The following CDKN1A variants were observed in gnomAD, a reference collection of about 807,000 sequenced individuals.
CDKN1A encodes cyclin dependent kinase inhibitor 1A.
In CDKN1A, 14 loss-of-function variants were observed where a neutral mutation model predicts 14.8. The ratio of observed to expected loss-of-function variants is 0.94; its 90% confidence interval spans 0.62 to 1.48. CDKN1A has a LOEUF of 1.48. Among genes scored for constraint, CDKN1A ranks in the 40% most tolerant of loss-of-function variants. The pLI is 0.00. For missense variants in CDKN1A, 203 were observed against 231.7 expected (o/e 0.88, Z 0.80); for synonymous variants, 92 against 93.5 (o/e 0.98, Z 0.09).
At chr6:36,681,024 C>A (rs1761922254) in intron 1 of CDKN1A, among the ~76,000 whole-genome samples, 2 of 152,170 alleles carry the variant, frequency 1.3e-5, no homozygotes, top group Admixed American at 1.3e-4. Context: ...TCCCGAGAGC[C>A]AGGGAATATC....
At position 36,685,880 on chromosome 6, in the gene CDKN1A, TTG is replaced by T. The variant is rs1762188485; in HGVS notation, c.*86_*87del. ...CTACATCTTCTGCCTTAGTCTCAGT[TTG>T]TGTGTCTTAATTATTATTTGTGTTT... On this transcript the variant is annotated 3_prime_UTR_variant, in exon 3 of 3. Coordinates refer to ENST00000244741, the MANE Select transcript of CDKN1A (RefSeq NM_000389.5). 1 of 1,282,994 alleles carries T rather than the reference TTG, an allele frequency of 7.8e-7. No individual in the cohort carries two copies. Among genetic ancestry groups the T allele is most frequent in the Non-Finnish European group, 1.1e-6 (1 of 881,190 alleles). 79.5% of individuals were successfully genotyped at this position (1,282,994 alleles called of 1,614,324 possible). A position where few individuals can be genotyped will look rare whatever the true frequency, so the allele number is the denominator to read the frequency against.
intron 1 of CDKN1A, among the ~76,000 whole-genome samples, chr6:36,681,565 C>T (rs984322105): frequency 2.0e-5 from 3 of 147,930 alleles, no homozygotes; most frequent in Non-Finnish European, 4.5e-5. Flanking sequence ...CAGGCGTGAT[C>T]CCCCCGCCCC....
chr6:36,678,620 G>A (rs973415904), upstream of CDKN1A: 2 of 979,788 alleles, frequency 2.0e-6, no homozygotes, highest in Admixed American at 6.1e-5. The surrounding 1 kb of genome is among the most constrained non-coding windows in gnomAD (Gnocchi z 5.7). Flanking sequence ...GGGCGGTCCC[G>A]GGCGGCGCGG....
rs2150314714 is a variant in CDKN1A, at chr6:36,684,829, C to T, written c.445+283C>T. Among the ~76,000 whole-genome samples, 1 of 152,198 alleles carries T rather than the reference C, an allele frequency of 6.6e-6. No homozygotes were observed. Among genetic ancestry groups the T allele is most frequent in the South Asian group, 2.1e-4 (1 of 4,824 alleles). ...TTATAACATAAGACATTCTTGTCACCCTGCCCGCCTTTCTTTTTGAGACAG... is the reference window on the plus strand; with the variant it reads ...TTATAACATAAGACATTCTTGTCACTCTGCCCGCCTTTCTTTTTGAGACAG... On this transcript the variant is annotated intron_variant, in intron 2 of 2. Transcript: ENST00000244741. This position sits in a 1 kb window ranked among gnomAD's most constrained non-coding sequence, Gnocchi z 6.0.
Position 36,685,930 on chromosome 6 carries a change from A to G in CDKN1A, c.*130A>G. ...TTTTAATTTAAACACCTCCTCATGTACATACCCTGGCCGCCCCCTGCCCCC... is the reference window on the plus strand; with the variant it reads ...TTTTAATTTAAACACCTCCTCATGTGCATACCCTGGCCGCCCCCTGCCCCC... On this transcript the variant is annotated 3_prime_UTR_variant, in exon 3 of 3. Coordinates refer to ENST00000244741, the MANE Select transcript of CDKN1A (RefSeq NM_000389.5). 1.1e-6 allele frequency: 1 copy of G among 940,466 alleles called. No individual in the cohort carries two copies. Among genetic ancestry groups the G allele is most frequent in the Non-Finnish European group, 1.7e-6 (1 of 585,788 alleles). The allele number at this position is 940,466 out of a possible 1,614,324, so 58.3% of individuals were successfully genotyped here.
At chr6:36,682,590 T>C (rs1762054255) in intron 1 of CDKN1A, 1 of 152,294 alleles carries the variant, frequency 6.6e-6, no homozygotes, top group Non-Finnish European at 1.5e-5. Context: ...ATGTGGCATG[T>C]GTCCCGGGCT....
intron 1 of CDKN1A, among the ~76,000 whole-genome samples, chr6:36,681,285 T>C (rs12211308): frequency 0.084 from 4,576 of 54,580 alleles, 189 homozygotes; most frequent in East Asian, 0.13. Flanking sequence ...TCTTTTTTTC[T>C]TTCTTTCTTT....
At chr6:36,678,225 G>T, upstream of CDKN1A, 1 of 214,290 alleles carries the variant, frequency 4.7e-6, no homozygotes, top group Non-Finnish European at 9.5e-6. The surrounding 1 kb of genome is among the most constrained non-coding windows in gnomAD (Gnocchi z 5.7). Context: ...TGATATTGTG[G>T]GGCTTTTCTG....
At chr6:36,678,603 C>G (rs1020188631), upstream of CDKN1A, 2 of 946,082 alleles carry the variant, frequency 2.1e-6, no homozygotes, top group Admixed American at 1.2e-4. This position sits in a 1 kb window ranked among gnomAD's most constrained non-coding sequence, Gnocchi z 5.7. Context: ...AGCCTGGGCC[C>G]CGGGGAGGGC....
At chr6:36,676,490 G>C (rs1285686150), upstream of CDKN1A, 1 of 152,314 alleles carries the variant, frequency 6.6e-6, no homozygotes, top group Non-Finnish European at 1.5e-5. Flanking sequence ...AGAAGAGGCT[G>C]GTGGCTATTT....
chr6:36,683,080 TA>T (rs538000159), intron 1 of CDKN1A, among the ~76,000 whole-genome samples: 97 of 152,204 alleles, frequency 6.4e-4, no homozygotes, highest in African/African-American at 1.9e-3. Flanking sequence ...GGGGAAGTGA[TA>T]GGGGGGAGGC....
intron 1 of CDKN1A, chr6:36,680,340 G>GTGTCTGTGTGTGTGTC (rs1554185254): frequency 6.8e-6 from 1 of 148,126 alleles, no homozygotes; most frequent in African/African-American, 2.5e-5. Flanking sequence ...GTGTGTGTGT[G>GTGTCTGTGTGTGTGTC]TGTGTCTGTG....
chr6:36,677,528 GGGA>G (rs1761735206), upstream of CDKN1A: 1 of 250,694 alleles, frequency 4.0e-6, no homozygotes, highest in Admixed American at 5.3e-5. Flanking sequence ...TGAAGTCCAG[GGGA>G]GGTCAGGGGT....
rs1157825566 is a variant in CDKN1A at position 36,686,989 on chromosome 6, G to C, written c.*1189G>C. ...CGGAACAAGGAGTCAGACATTTTAA[G>C]ATGGTGGCAGTAGAGGCTATGGACA... On this transcript the variant is annotated 3_prime_UTR_variant, in exon 3 of 3. Transcript: ENST00000244741. The surrounding 1 kb of genome is among the most constrained non-coding windows in gnomAD (Gnocchi z 4.9). 1 of 233,618 alleles carries C rather than the reference G, an allele frequency of 4.3e-6. No homozygotes were observed. Among genetic ancestry groups the C allele is most frequent in the African/African-American group, 2.2e-5 (1 of 45,370 alleles). The allele number at this position is 233,618 out of a possible 1,614,324, so 14.5% of individuals were successfully genotyped here.
chr6:36,681,361 T>TC (rs1554185381), intron 1 of CDKN1A, among the ~76,000 whole-genome samples: 6 of 55,874 alleles, frequency 1.1e-4, no homozygotes, highest in African/African-American at 2.8e-4. Context: ...TTTTTCTTTC[T>TC]TTTCTTTCTT....
In CDKN1A at chr6:36,686,793, T is replaced by C; in HGVS notation, c.*993T>C. On this transcript the variant is annotated 3_prime_UTR_variant, in exon 3 of 3. Coordinates refer to ENST00000244741, the MANE Select transcript of CDKN1A (RefSeq NM_000389.5). The surrounding 1 kb of genome is among the most constrained non-coding windows in gnomAD (Gnocchi z 4.9). ...CCGCCCCCTCCTCTAGCTGTGGGGG[T>C]GAGGGTCCCATGTGGTGGCACAGGC... 4.3e-6 allele frequency: 1 copy of C among 233,802 alleles called. No individual in the cohort carries two copies. The highest frequency in any genetic ancestry group is 8.5e-6 in the Non-Finnish European group (1 of 118,284). The allele number at this position is 233,802 out of a possible 1,614,324, so 14.5% of individuals were successfully genotyped here. A position where few individuals can be genotyped will look rare whatever the true frequency, so the allele number is the denominator to read the frequency against.
chr6:36,679,373 G>A (rs775087130), intron 1 of CDKN1A, among the ~76,000 whole-genome samples: 1 of 152,156 alleles, frequency 6.6e-6, no homozygotes, highest in Non-Finnish European at 1.5e-5. Flanking sequence ...TGAGGTCAGC[G>A]CGGGCTGTTT....
intron 1 of CDKN1A, among the ~76,000 whole-genome samples, chr6:36,679,794 G>T (rs1761843983): frequency 6.6e-6 from 1 of 151,938 alleles, no homozygotes; most frequent in Non-Finnish European, 1.5e-5. Context: ...TCGGGTCGGG[G>T]CGCTGGACTC....
chr6:36,682,892 T>C (rs1188278910), intron 1 of CDKN1A, among the ~76,000 whole-genome samples: 1 of 152,370 alleles, frequency 6.6e-6, no homozygotes, highest in African/African-American at 2.4e-5. Context: ...GCCAGGTGTC[T>C]AGACTTCAGA....
Sources: gnomAD v4.1 joint callset for allele counts (sites outside exome capture counted in the v4.1 genomes callset) on GRCh38, gnomAD v4.1.1 for gene constraint, Gnocchi (gnomAD v3.1) non-coding constraint, MANE v1.5 for transcripts, NCBI Gene and HGNC (gene_info 2026-07-23, HGNC 2026-07-21) for gene names.